The following ATP8A1 variants were observed in gnomAD, a reference collection of about 807,000 sequenced individuals.
ATP8A1 encodes ATPase phospholipid transporting 8A1.
In ATP8A1, 90 loss-of-function variants were observed where a neutral mutation model predicts 177.7. That is an observed-to-expected ratio of 0.51 (90% confidence interval 0.43 to 0.60). ATP8A1 has a LOEUF of 0.60. Ranked by LOEUF, ATP8A1 falls within the 20% of genes least tolerant of loss-of-function variation. ATP8A1 has a pLI of 0.00. For missense variants in ATP8A1, 1,072 were observed against 1,392.8 expected (o/e 0.77, Z 3.67); for synonymous variants, 493 against 485.9 (o/e 1.01, Z -0.19).
intron 24 of ATP8A1, among the ~76,000 whole-genome samples, chr4:42,489,251 A>T (rs1315651774): frequency 2.0e-5 from 3 of 152,240 alleles, no homozygotes; most frequent in Non-Finnish European, 2.9e-5. Context: ...TTGAAAGCTC[A>T]GCTGCAAAAC....
chr4:42,451,997 T>C lies in ATP8A1; in HGVS notation c.2880A>G (p.Leu960=). The C allele has an allele frequency of 6.2e-7, 1 of 1,613,002 alleles. No homozygotes were observed. Among genetic ancestry groups the C allele is most frequent in the Non-Finnish European group, 8.5e-7 (1 of 1,179,276 alleles). ...FHSVILFWFP[L]KALQYGTAFG... ...TCTACTTACCATACTGAAGGGCTTT[T>C]AGTGGAAACCAAAACAGAATAACTG... Residue 960 remains leucine, a synonymous_variant, in exon 30 of 37, where the codon CTA becomes CTG. Coordinates refer to ENST00000381668, the MANE Select transcript of ATP8A1 (RefSeq NM_006095.2).
intron 5 of ATP8A1, among the ~76,000 whole-genome samples, chr4:42,602,170 T>G (rs1735348633): frequency 6.6e-6 from 1 of 152,178 alleles, no homozygotes; most frequent in Admixed American, 6.5e-5. Context: ...CAGCACAATA[T>G]CTTAACCGCA....
intron 33 of ATP8A1, among the ~76,000 whole-genome samples, chr4:42,432,030 C>T (rs189841489): frequency 4.6e-5 from 7 of 152,270 alleles, no homozygotes; most frequent in South Asian, 2.1e-4. Flanking sequence ...GCTCTATTAG[C>T]GAGGTATCTC....
chr4:42,533,817 G>C (rs969267188), intron 20 of ATP8A1, among the ~76,000 whole-genome samples: 1 of 152,152 alleles, frequency 6.6e-6, no homozygotes, highest in Non-Finnish European at 1.5e-5. Context: ...ATCCACAGCT[G>C]AGAGACCTGA....
intron 35 of ATP8A1, among the ~76,000 whole-genome samples, 168 bp downstream of exon 35, chr4:42,422,639 G>C (rs1416423505): frequency 6.6e-6 from 1 of 152,172 alleles, no homozygotes; most frequent in Non-Finnish European, 1.5e-5. Flanking sequence ...CAAGGGCACA[G>C]TTTAGAAAGC....
At chr4:42,414,823 C>T (rs923616895) in intron 35 of ATP8A1, 105 bp from the exon 36 acceptor site, 16 of 802,376 alleles carry the variant, frequency 2.0e-5, no homozygotes, top group Middle Eastern at 2.3e-4. Flanking sequence ...AAAGATTGCT[C>T]GAGAAATCCG....
intron 24 of ATP8A1, among the ~76,000 whole-genome samples, chr4:42,494,031 T>C (rs946827135): frequency 6.8e-6 from 1 of 147,124 alleles, no homozygotes; most frequent in Admixed American, 6.7e-5. Context: ...GTGAAACCCC[T>C]TCTCTACTAA....
At chr4:42,516,123 T>C (rs1232372142) in intron 22 of ATP8A1, among the ~76,000 whole-genome samples, 1 of 152,146 alleles carries the variant, frequency 6.6e-6, no homozygotes, top group African/African-American at 2.4e-5. Context: ...ATTTATTGAG[T>C]GGTTAACATA....
Position 42,626,840 on chromosome 4 carries a change from G to T in ATP8A1, c.164+155C>A, listed in dbSNP as rs576246669. 6.1e-6 allele frequency: 4 copies of T among 655,226 alleles called. No individual in the cohort carries two copies. The East Asian group carries it at 1.1e-4, about 18-fold the overall frequency. 40.6% of individuals were successfully genotyped at this position (655,226 alleles called of 1,614,324 possible). The stretch of plus-strand genomic sequence containing the variant: ...AGATTCTTATGAATATTTCTCTATG[G>T]GAGAGAAGATGGGGAAACAGCCTAT... On this transcript the variant is annotated intron_variant, in intron 2 of 36. Coordinates refer to ENST00000381668, the MANE Select transcript of ATP8A1 (RefSeq NM_006095.2).
chr4:42,624,443 C>T (rs1280255214), intron 4 of ATP8A1, 93 bp downstream of exon 4: 32 of 644,284 alleles, frequency 5.0e-5, no homozygotes, highest in East Asian at 1.0e-4. Flanking sequence ...AAACAGCCCA[C>T]GCCAAGAATT....
chr4:42,608,422 C>T (rs6812809), intron 5 of ATP8A1, among the ~76,000 whole-genome samples: 26,975 of 151,098 alleles, frequency 0.18, 3,068 homozygotes, highest in East Asian at 0.44. Context: ...TGCAGTGGCA[C>T]GATCTCGGCT....
chr4:42,635,776 C>CATATATATATAT (rs1489319364), intron 1 of ATP8A1, among the ~76,000 whole-genome samples: 4 of 37,212 alleles, frequency 1.1e-4, no homozygotes, highest in South Asian at 9.8e-4. Context: ...CACACACACA[C>CATATATATATAT]ACACACATAT....
chr4:42,424,573 T>C (rs1435731606), intron 33 of ATP8A1, among the ~76,000 whole-genome samples: 4 of 152,212 alleles, frequency 2.6e-5, no homozygotes, highest in Non-Finnish European at 4.4e-5. Flanking sequence ...GAATCAGGTA[T>C]GGTTCAGGAA....
intron 24 of ATP8A1, 39 bp downstream of exon 24, chr4:42,503,411 A>C (rs1470061608): frequency 8.5e-7 from 1 of 1,178,086 alleles, no homozygotes; most frequent in Admixed American, 1.9e-5. Context: ...GCATGAATAT[A>C]TTATTAAAGG....
chr4:42,558,623 CTT>C (rs773554997), intron 15 of ATP8A1, among the ~76,000 whole-genome samples: 2 of 151,834 alleles, frequency 1.3e-5, no homozygotes, highest in East Asian at 3.8e-4. Context: ...TGTACTAAGA[CTT>C]TTTTTTAAAT....
At chr4:42,497,156 A>G (rs1723363014) in intron 24 of ATP8A1, among the ~76,000 whole-genome samples, 1 of 152,176 alleles carries the variant, frequency 6.6e-6, no homozygotes, top group Admixed American at 6.5e-5. Context: ...ATCAAACAAA[A>G]ACAGTTTGGG....
At chr4:42,626,787 C>G in intron 2 of ATP8A1, 1 of 580,020 alleles carries the variant, frequency 1.7e-6, no homozygotes, top group East Asian at 3.0e-5. Flanking sequence ...AGGATGGGTG[C>G]TTATTCTTTC....
At chr4:42,546,585 A>T (rs1183010631) in intron 19 of ATP8A1, among the ~76,000 whole-genome samples, 2 of 148,270 alleles carry the variant, frequency 1.3e-5, no homozygotes, top group South Asian at 2.1e-4. Flanking sequence ...GTATAATAAA[A>T]AAAAAAAAAA....
chr4:42,489,042 G>GACAC (rs753280322), intron 24 of ATP8A1, among the ~76,000 whole-genome samples: 1 of 152,132 alleles, frequency 6.6e-6, no homozygotes, highest in South Asian at 2.1e-4. Context: ...GTAAGAGAGA[G>GACAC]ACACACACAG....
Sources: gnomAD v4.1 joint callset for allele counts (sites outside exome capture counted in the v4.1 genomes callset) on GRCh38, gnomAD v4.1.1 for gene constraint, MANE v1.5 for transcripts, NCBI Gene and HGNC (gene_info 2026-07-23, HGNC 2026-07-21) for gene names.